Variants in MYO5A observed in about 807,000 individuals in gnomAD.
MYO5A encodes the protein myosin VA, also known as unconventional myosin-Va.
MYO5A carries 98 observed loss-of-function variants against 249.7 expected under a neutral mutation model. The observed-to-expected ratio is 0.39, with a 90% CI of 0.33 to 0.46. The LOEUF is 0.46. MYO5A is among the 20% of genes least tolerant of loss of function. MYO5A has a pLI of 0.98. For missense variants in MYO5A, 1,696 were observed against 2,308.8 expected (o/e 0.73, Z 5.44); for synonymous variants, 778 against 810.6 (o/e 0.96, Z 0.68).
intron 1 of MYO5A, among the ~76,000 whole-genome samples, chr15:52,450,031 T>A (rs1175779409): frequency 1.3e-5 from 2 of 152,024 alleles, no homozygotes; most frequent in African/African-American, 4.8e-5. Context: ...AGGCTCAGGC[T>A]TTAGAGCAGG....
intron 1 of MYO5A, among the ~76,000 whole-genome samples, chr15:52,469,278 C>G (rs1298744362): frequency 1.3e-5 from 2 of 152,066 alleles, no homozygotes; most frequent in Non-Finnish European, 2.9e-5. Flanking sequence ...TCCTATTGAC[C>G]AGAAGTTTTA....
intron 1 of MYO5A, among the ~76,000 whole-genome samples, chr15:52,453,488 C>A (rs1325119745): frequency 6.6e-6 from 1 of 151,548 alleles, no homozygotes; most frequent in Non-Finnish European, 1.5e-5. Flanking sequence ...TGTGAAAAAA[C>A]AAAACATGTG....
chr15:52,476,902 T>C (rs2141475466), intron 1 of MYO5A, among the ~76,000 whole-genome samples: 1 of 152,322 alleles, frequency 6.6e-6, no homozygotes, highest in East Asian at 1.9e-4. Context: ...AGTATCTTTG[T>C]GGTGTTCTCT....
intron 37 of MYO5A, among the ~76,000 whole-genome samples, chr15:52,322,162 A>C (rs1363333230): frequency 1.3e-5 from 2 of 152,248 alleles, no homozygotes; most frequent in Non-Finnish European, 2.9e-5. Context: ...GCTTACTCTG[A>C]GGATTCTCCC....
At chr15:52,452,178 G>A (rs746104939) in intron 1 of MYO5A, among the ~76,000 whole-genome samples, 8 of 151,500 alleles carry the variant, frequency 5.3e-5, no homozygotes, top group Non-Finnish European at 7.4e-5. Context: ...ATTATCACCA[G>A]CAATATCCCA....
At chr15:52,475,795 G>A (rs1431209449) in intron 1 of MYO5A, among the ~76,000 whole-genome samples, 1 of 152,182 alleles carries the variant, frequency 6.6e-6, no homozygotes, top group African/African-American at 2.4e-5. Flanking sequence ...GCTGAGGAGT[G>A]CTTTACTTCC....
intron 1 of MYO5A, chr15:52,505,990 G>A: frequency 1.3e-6 from 1 of 784,320 alleles, no homozygotes; most frequent in Non-Finnish European, 2.0e-6. Flanking sequence ...GAGGAGGGCA[G>A]ATATCTTGAG....
At chr15:52,416,061 T>A in intron 5 of MYO5A, 84 bp downstream of exon 5, 1 of 1,506,452 alleles carries the variant, frequency 6.6e-7, no homozygotes, top group South Asian at 1.1e-5. Context: ...CCAGGCTTTC[T>A]GAGACATGCT....
rs1371622932 is a variant in MYO5A at position 52,353,943 on chromosome 15, C to G, written c.3495G>C (p.Leu1165=). 1 of 1,614,120 alleles carries G rather than the reference C, an allele frequency of 6.2e-7. No individual in the cohort carries two copies. Among genetic ancestry groups the G allele is most frequent in the Non-Finnish European group, 8.5e-7 (1 of 1,180,046 alleles). The change falls in exon 26 of 42, where the codon CTG becomes CTC. Residue 1165 remains leucine, a synonymous_variant. Coordinates refer to ENST00000399233, the MANE Select transcript of MYO5A (RefSeq NM_001382347.1). ...FLKLQKRVTE[L]EQEKQVMQDE... Reference sequence around the variant, plus strand: ...CCTGCATCACCTGCTTCTCCTGCTCCAGCTCTGTGACCCGCTTCTGGAGCT... The same window carrying G: ...CCTGCATCACCTGCTTCTCCTGCTCGAGCTCTGTGACCCGCTTCTGGAGCT...
chr15:52,431,098 G>A (rs1217810902), intron 2 of MYO5A, among the ~76,000 whole-genome samples: 1 of 151,500 alleles, frequency 6.6e-6, no homozygotes, highest in African/African-American at 2.4e-5. Context: ...CAGGCATGGT[G>A]GCATGCGCCT....
intron 1 of MYO5A, among the ~76,000 whole-genome samples, chr15:52,441,904 T>C (rs1266374620): frequency 6.6e-6 from 1 of 152,208 alleles, no homozygotes; most frequent in Non-Finnish European, 1.5e-5. Flanking sequence ...TATATGAGTG[T>C]TCTTAGCTTC....
rs865776043 is a variant in MYO5A at position 52,318,463 on chromosome 15, A to G, written c.5234+597T>C. Among the ~76,000 whole-genome samples the G allele has an allele frequency of 3.7e-4, 55 of 149,940 alleles. 1 individual carries two copies. In the East Asian group the frequency reaches 6.0e-3, roughly 16 times the overall value. ...AAGAGCAAAACTCCATCTCAAAAAA[A>G]AAAAAAAAAAAAAAAATTTGCAAAA... On this transcript the variant is annotated intron_variant, in intron 39 of 41. Transcript: ENST00000399233.
At chr15:52,495,442 A>G (rs2077018523) in intron 1 of MYO5A, among the ~76,000 whole-genome samples, 1 of 152,230 alleles carries the variant, frequency 6.6e-6, no homozygotes, top group South Asian at 2.1e-4. Flanking sequence ...ACAAAATTTC[A>G]GTTAGACAGG....
rs1223520467 is a variant in MYO5A, at chr15:52,372,191, C to T, written c.2750G>A (p.Arg917His). The change falls in exon 21 of 42, where the codon CGC becomes CAC. Residue 917 changes from arginine (R) to histidine (H), a missense_variant. This residue lies in a region of MYO5A where 412 missense variants were observed against 453.3 expected (regional missense o/e 0.91). Coordinates refer to ENST00000399233, the MANE Select transcript of MYO5A (RefSeq NM_001382347.1). ...CATGCCGATGTGCAGCTTCTTATAG[C>T]GCTCCACTGAGCGAGCCTCGATTTT... ...KLKIEARSVE[R>H]YKKLHIGMEN... 1.6e-5 allele frequency: 26 copies of T among 1,613,624 alleles called. No individual in the cohort carries two copies. The highest frequency in any genetic ancestry group is 3.3e-5 in the Admixed American group (2 of 60,012).
Position 52,309,707 on chromosome 15 carries a change from AC to A in MYO5A, c.*3988del, listed in dbSNP as rs564092194. 3.7e-4 allele frequency: 56 copies of A among 152,328 alleles called. No individual in the cohort carries two copies. Among genetic ancestry groups the A allele is most frequent in the African/African-American group, 1.3e-3 (52 of 41,558 alleles). 9.4% of individuals were successfully genotyped at this position (152,328 alleles called of 1,614,324 possible). ...AAGCGCCGCAGGAAAGCATATCTGG[AC>A]CCAGGTACTGTTTCTGCATTACTTT... On this transcript the variant is annotated 3_prime_UTR_variant, in exon 42 of 42. Coordinates refer to ENST00000399233, the MANE Select transcript of MYO5A (RefSeq NM_001382347.1).
intron 1 of MYO5A, among the ~76,000 whole-genome samples, chr15:52,468,050 T>C (rs1046798679): frequency 4.0e-5 from 6 of 151,828 alleles, no homozygotes; most frequent in African/African-American, 1.5e-4. Context: ...ATTTAAAAAG[T>C]TAAACAAAGA....
chr15:52,336,591 C>T (rs201661844), intron 33 of MYO5A, 35 bp from the exon 34 acceptor site: 26 of 1,441,296 alleles, frequency 1.8e-5, no homozygotes, highest in East Asian at 1.4e-4. Context: ...TTAGAAAAAT[C>T]GAAACAGGCC....
chr15:52,362,180 T>C (rs952267360), intron 24 of MYO5A, among the ~76,000 whole-genome samples: 4 of 152,184 alleles, frequency 2.6e-5, no homozygotes, highest in African/African-American at 9.7e-5. Flanking sequence ...GTGACACTAT[T>C]AGTGTTCTTT....
intron 35 of MYO5A, 73 bp downstream of exon 35, chr15:52,330,280 A>C (rs2038829059): frequency 2.5e-6 from 4 of 1,588,316 alleles, no homozygotes; most frequent in Middle Eastern, 1.7e-4. Context: ...TATCTCAAAA[A>C]TTAGTGACTA....
Sources: gnomAD v4.1 joint callset for allele counts (sites outside exome capture counted in the v4.1 genomes callset) on GRCh38, gnomAD v4.1.1 for gene constraint, gnomAD v4.1.1 regional missense constraint, MANE v1.5 for transcripts, NCBI Gene and HGNC (gene_info 2026-07-23, HGNC 2026-07-21) for gene names.